Variants in HS6ST3 observed in about 807,000 individuals in gnomAD.
HS6ST3 encodes the protein heparan-sulfate 6-O-sulfotransferase 3.
A neutral mutation model predicts 36.7 loss-of-function variants in HS6ST3; 12 were observed. That is an observed-to-expected ratio of 0.33 (90% CI 0.21 to 0.53). The LOEUF (loss-of-function observed/expected upper bound fraction) is 0.53. Among genes scored for constraint, HS6ST3 ranks in the 20% least tolerant of loss-of-function variants. The pLI is 0.95. For synonymous variants in HS6ST3, 240 were observed against 257.5 expected, an observed-to-expected ratio of 0.93 and a Z score of 0.65; for missense variants, 584 against 640.9, an observed-to-expected ratio of 0.91 and a Z score of 0.96.
chr13:96,573,938 C>T (rs2138963932), intron 1 of HS6ST3: 1 of 531,626 alleles, frequency 1.9e-6, no homozygotes, highest in Middle Eastern at 6.2e-4. Context: ...GGTGACTGCA[C>T]AGATGTGCTG....
intron 1 of HS6ST3, among the ~76,000 whole-genome samples, chr13:96,800,729 C>A (rs1460259280): frequency 6.6e-6 from 1 of 151,918 alleles, no homozygotes; most frequent in Non-Finnish European, 1.5e-5. Context: ...CCTACGAATG[C>A]CAGATATCTC....
intron 1 of HS6ST3, among the ~76,000 whole-genome samples, chr13:96,799,997 TG>T (rs1878023906): frequency 9.6e-6 from 1 of 104,662 alleles, no homozygotes; most frequent in East Asian, 2.3e-4. Context: ...TATATATATA[TG>T]TATATATATA....
At chr13:96,656,955 TTGTGTGTGTGTGTGTG>T (rs754838881) in intron 1 of HS6ST3, among the ~76,000 whole-genome samples, 11 of 122,308 alleles carry the variant, frequency 9.0e-5, no homozygotes, top group East Asian at 2.5e-4. Flanking sequence ...GGCTTTTCTT[TTGTGTGTGTGTGTGTG>T]TGTGTGTGTG....
intron 1 of HS6ST3, among the ~76,000 whole-genome samples, chr13:96,263,470 G>A (rs2054676422): frequency 6.6e-6 from 1 of 152,070 alleles, no homozygotes. Flanking sequence ...GAAAATAAAT[G>A]AATCATAATA....
chr13:96,187,114 T>C (rs2054268488), intron 1 of HS6ST3, among the ~76,000 whole-genome samples: 1 of 152,254 alleles, frequency 6.6e-6, no homozygotes, highest in African/African-American at 2.4e-5. Flanking sequence ...ACTTTGGTAC[T>C]GGCAGGGCTG....
chr13:96,381,965 T>C (rs186737321), intron 1 of HS6ST3, among the ~76,000 whole-genome samples: 1 of 152,208 alleles, frequency 6.6e-6, no homozygotes, highest in East Asian at 1.9e-4. Context: ...AAGGAACATT[T>C]TGAACAAACA....
chr13:96,397,102 C>T (rs1393025818), intron 1 of HS6ST3, among the ~76,000 whole-genome samples: 1 of 151,918 alleles, frequency 6.6e-6, no homozygotes, highest in Non-Finnish European at 1.5e-5. Flanking sequence ...TACTAGGGAG[C>T]CTGAGGCAGG....
rs567402544 is a variant in HS6ST3 at position 96,295,316 on chromosome 13, A to G, written c.707+203747A>G. Among the ~76,000 whole-genome samples, 180 of 152,284 alleles carry G rather than the reference A, an allele frequency of 1.2e-3. 1 individual carries two copies. Among genetic ancestry groups the G allele is most frequent in the African/African-American group, 4.3e-3 (179 of 41,570 alleles). ...GGTTATGCTCACCTCTTACATTTTT[A>G]AAGAAACATTTTAAATATCAGAATA... On this transcript the variant is annotated intron_variant, in intron 1 of 1. Transcript: ENST00000376705.
At chr13:96,118,470 G>T (rs2053904306) in intron 1 of HS6ST3, among the ~76,000 whole-genome samples, 2 of 151,688 alleles carry the variant, frequency 1.3e-5, no homozygotes, top group Admixed American at 1.3e-4. Flanking sequence ...GTAGTGCTTT[G>T]TAATGGCAAC....
At chr13:96,340,337 A>G (rs989448996) in intron 1 of HS6ST3, among the ~76,000 whole-genome samples, 3 of 152,216 alleles carry the variant, frequency 2.0e-5, no homozygotes, top group African/African-American at 7.2e-5. Flanking sequence ...GTTTGGAGAT[A>G]GATGGGCCTC....
chr13:96,634,742 T>A (rs987828942), intron 1 of HS6ST3, among the ~76,000 whole-genome samples: 1 of 152,200 alleles, frequency 6.6e-6, no homozygotes, highest in Non-Finnish European at 1.5e-5. Context: ...ATTCTCATCA[T>A]TTGCAGAGGT....
At chr13:96,318,573 ATAAAGG>A (rs2054988034) in intron 1 of HS6ST3, among the ~76,000 whole-genome samples, 1 of 151,960 alleles carries the variant, frequency 6.6e-6, no homozygotes, top group Non-Finnish European at 1.5e-5. Context: ...AACAAAAGAA[ATAAAGG>A]TAAAGTTCTA....
At chr13:96,235,027 A>G (rs1281963200) in intron 1 of HS6ST3, among the ~76,000 whole-genome samples, 1 of 152,168 alleles carries the variant, frequency 6.6e-6, no homozygotes, top group African/African-American at 2.4e-5. Context: ...AACAACCGAG[A>G]CATATAAAAA....
chr13:96,508,828 T>C (rs1041984406), intron 1 of HS6ST3, among the ~76,000 whole-genome samples: 4 of 152,158 alleles, frequency 2.6e-5, no homozygotes, highest in African/African-American at 9.7e-5. Context: ...AATGTGCTGC[T>C]ATAAACATAC....
chr13:96,218,559 C>T (rs184554954), intron 1 of HS6ST3, among the ~76,000 whole-genome samples: 264 of 152,228 alleles, frequency 1.7e-3, no homozygotes, highest in Middle Eastern at 3.4e-3. Context: ...CTCACAGCCA[C>T]GTGGGGAGAA....
chr13:96,403,698 A>T (rs894478755), intron 1 of HS6ST3, among the ~76,000 whole-genome samples: 3 of 152,168 alleles, frequency 2.0e-5, no homozygotes, highest in African/African-American at 7.2e-5. Flanking sequence ...TTCGGGGGAC[A>T]GGTTGGGGGA....
chr13:96,637,475 G>A (rs1323244658), intron 1 of HS6ST3, among the ~76,000 whole-genome samples: 1 of 151,996 alleles, frequency 6.6e-6, no homozygotes, highest in African/African-American at 2.4e-5. Flanking sequence ...TGGAAAATGG[G>A]GATACTTCAA....
intron 1 of HS6ST3, among the ~76,000 whole-genome samples, chr13:96,420,630 A>G (rs2055558049): frequency 6.6e-6 from 1 of 152,192 alleles, no homozygotes; most frequent in African/African-American, 2.4e-5. Flanking sequence ...TAACTGCTTC[A>G]TCATCATAGT....
chr13:96,821,859 A>T lies in HS6ST3; in HGVS notation c.708-10631A>T, dbSNP rs137933797. On this transcript the variant is annotated intron_variant, in intron 1 of 1. Transcript: ENST00000376705. ...TGGCAAAACCTAGACAGAGGGGATT[A>T]AAAAAATATATATTCTTGTGATGTT... is the stretch of plus-strand genomic sequence containing the variant. Among the ~76,000 whole-genome samples, 114 of 152,338 alleles carry T rather than the reference A, an allele frequency of 7.5e-4. 2 individuals are homozygous for T. Among genetic ancestry groups the T allele is most frequent in the African/African-American group, 2.6e-3 (108 of 41,572 alleles).
Sources: allele counts gnomAD v4.1 joint callset (sites outside exome capture counted in the v4.1 genomes callset), GRCh38; gene constraint gnomAD v4.1.1; transcripts MANE v1.5; gene names NCBI Gene and HGNC (gene_info 2026-07-23, HGNC 2026-07-21).